KCNG2: variants seen among roughly 807,000 people sequenced by gnomAD.
KCNG2 encodes the protein potassium voltage-gated channel modifier subfamily G member 2.
A neutral mutation model predicts 12.3 loss-of-function variants in KCNG2; 7 were observed. The ratio of observed to expected loss-of-function variants is 0.57; its 90% confidence interval spans 0.32 to 1.07. KCNG2 has a LOEUF of 1.07. Ranked by LOEUF, KCNG2 falls within the 50% of genes least tolerant of loss-of-function variation. The pLI is 0.04. For synonymous variants in KCNG2, 414 were observed against 351.4 expected (o/e 1.18, Z -1.99); for missense variants, 703 against 726.0 (o/e 0.97, Z 0.36).
chr18:79,836,279 CAG>C (rs1978324119), intron 1 of KCNG2, among the ~76,000 whole-genome samples: 1 of 152,106 alleles, frequency 6.6e-6, no homozygotes, highest in Non-Finnish European at 1.5e-5. Context: ...TTACCAGAGA[CAG>C]AGGAGAAACG....
chr18:79,884,546 G>A lies in KCNG2; in HGVS notation c.625-14494G>A, dbSNP rs1568270633. 6.7e-6 allele frequency among the ~76,000 whole-genome samples: 1 copy of A among 148,492 alleles called. No homozygotes were observed. The highest frequency in any genetic ancestry group is 1.5e-5 in the Non-Finnish European group (1 of 66,734). On this transcript the variant is annotated intron_variant, in intron 3 of 3. Transcript: ENST00000316249. The surrounding 1 kb of genome is among the most constrained non-coding windows in gnomAD (Gnocchi z 5.5). Reference sequence around the variant, plus strand: ...CGATGCAGTGGAGGAGCAGGGCTGGGTCTGGGCCTGGGCCTGGGCGTGGCA... The same window carrying A: ...CGATGCAGTGGAGGAGCAGGGCTGGATCTGGGCCTGGGCCTGGGCGTGGCA...
At chr18:79,857,561 C>T (rs572585306) in intron 2 of KCNG2, among the ~76,000 whole-genome samples, 4 of 151,916 alleles carry the variant, frequency 2.6e-5, no homozygotes, top group African/African-American at 4.8e-5. Context: ...AAACCCACCA[C>T]GCCCCCTCTT....
At chr18:79,820,212 C>T (rs937126671) in intron 1 of KCNG2, among the ~76,000 whole-genome samples, 4 of 152,188 alleles carry the variant, frequency 2.6e-5, no homozygotes, top group African/African-American at 9.6e-5. Context: ...TGTTTGAGTC[C>T]CTGTTTTCAC....
At chr18:79,832,349 TTCC>T (rs1978300827) in intron 1 of KCNG2, among the ~76,000 whole-genome samples, 1 of 150,482 alleles carries the variant, frequency 6.6e-6, no homozygotes, top group South Asian at 2.1e-4. Context: ...TTACCTGCCC[TTCC>T]TCACCTGTCC....
At position 79,803,922 on chromosome 18, in the gene KCNG2, T is replaced by C. The variant is rs2087429950; in HGVS notation, c.-115+5908T>C. On this transcript the variant is annotated intron_variant, in intron 1 of 3. Coordinates refer to ENST00000316249, the MANE Select transcript of KCNG2 (RefSeq NM_012283.2). This position sits in a 1 kb window ranked among gnomAD's most constrained non-coding sequence, Gnocchi z 4.5. ...GTGGATCAGAATCTTAGGCCTGGCC[T>C]GGCCGTGTCACTCCTATCTCACCTT... Among the ~76,000 whole-genome samples the C allele has an allele frequency of 6.6e-6, 1 of 152,224 alleles. No homozygotes were observed. The highest frequency in any genetic ancestry group is 6.5e-5 in the Admixed American group (1 of 15,286).
chr18:79,852,665 G>T (rs971421395), intron 1 of KCNG2, among the ~76,000 whole-genome samples: 4 of 152,244 alleles, frequency 2.6e-5, no homozygotes, highest in African/African-American at 9.6e-5. Context: ...ACCAGCGCCT[G>T]CACCTGGGCG....
intron 1 of KCNG2, among the ~76,000 whole-genome samples, chr18:79,801,821 G>C (rs2087411690): frequency 6.6e-6 from 1 of 152,242 alleles, no homozygotes; most frequent in African/African-American, 2.4e-5. Flanking sequence ...ACACAGAGGG[G>C]CTCCTGTGCC....
chr18:79,852,921 T>C (rs1287057125), intron 1 of KCNG2, among the ~76,000 whole-genome samples: 2 of 152,248 alleles, frequency 1.3e-5, no homozygotes, highest in Non-Finnish European at 2.9e-5. Context: ...GCAGAGTCTT[T>C]GTCATTTCTT....
chr18:79,862,914 G>A (rs577036212), intron 2 of KCNG2, among the ~76,000 whole-genome samples: 1 of 152,212 alleles, frequency 6.6e-6, no homozygotes, highest in South Asian at 2.1e-4. Context: ...TGCTGGTACC[G>A]GGAATGCAGG....
intron 1 of KCNG2, among the ~76,000 whole-genome samples, chr18:79,805,851 G>A (rs546359145): frequency 1.3e-5 from 2 of 148,570 alleles, no homozygotes; most frequent in Non-Finnish European, 3.0e-5. Context: ...ATAGACAGAC[G>A]CAGGTCCACA....
At chr18:79,888,777 C>T (rs891276382) in intron 3 of KCNG2, among the ~76,000 whole-genome samples, 34 of 152,108 alleles carry the variant, frequency 2.2e-4, no homozygotes, top group Admixed American at 9.2e-4. Context: ...CAGGTTCAAG[C>T]AATTCTCGTG....
chr18:79,799,586 C>A (rs1379327306), intron 1 of KCNG2, among the ~76,000 whole-genome samples: 1 of 152,226 alleles, frequency 6.6e-6, no homozygotes, highest in Admixed American at 6.5e-5. Context: ...AAAACAACTT[C>A]CAGGTCTGTC....
intron 1 of KCNG2, among the ~76,000 whole-genome samples, chr18:79,821,467 T>C (rs906672044): frequency 5.3e-5 from 8 of 152,062 alleles, no homozygotes; most frequent in Admixed American, 2.6e-4. Context: ...TTTATGTATT[T>C]TTAGTAGAGA....
chr18:79,883,132 G>A (rs1980383281), intron 3 of KCNG2, among the ~76,000 whole-genome samples: 1 of 152,234 alleles, frequency 6.6e-6, no homozygotes, highest in South Asian at 2.1e-4. Flanking sequence ...GTGGGTGCCC[G>A]GGACAGCACG....
At chr18:79,856,683 G>T (rs1255288843) in intron 2 of KCNG2, among the ~76,000 whole-genome samples, 1 of 152,142 alleles carries the variant, frequency 6.6e-6, no homozygotes, top group African/African-American at 2.4e-5. Flanking sequence ...GGACAGGGGA[G>T]CTCACGGGGC....
At chr18:79,816,746 G>A (rs2087531252) in intron 1 of KCNG2, among the ~76,000 whole-genome samples, 1 of 152,218 alleles carries the variant, frequency 6.6e-6, no homozygotes, top group Non-Finnish European at 1.5e-5. Flanking sequence ...GGAAACATTC[G>A]CTGTTTCCTG....
In KCNG2 at chr18:79,810,000, G is replaced by A. The variant is rs569548614; in HGVS notation, c.-115+11986G>A. On this transcript the variant is annotated intron_variant, in intron 1 of 3. Transcript: ENST00000316249. ...GGCTGTGGGTTCTGGTCTCAGCGCC[G>A]TCCACAGGGCCAGCCTCGCGGAGCC... Among the ~76,000 whole-genome samples the A allele has an allele frequency of 5.3e-5, 8 of 152,340 alleles. No homozygotes were observed. In the East Asian group the frequency reaches 9.6e-4, roughly 18 times the overall value.
chr18:79,828,707 G>A (rs556456704), intron 1 of KCNG2, among the ~76,000 whole-genome samples: 45 of 151,568 alleles, frequency 3.0e-4, no homozygotes, highest in African/African-American at 9.0e-4. Flanking sequence ...AGGAATTTGC[G>A]TGTGTGTAAC....
chr18:79,857,402 G>A (rs879911360), intron 2 of KCNG2, among the ~76,000 whole-genome samples: 2 of 151,770 alleles, frequency 1.3e-5, no homozygotes, highest in Non-Finnish European at 2.9e-5. Flanking sequence ...CTTCACTGGG[G>A]TGCTGAGCTC....
Sources: allele counts gnomAD v4.1 joint callset (sites outside exome capture counted in the v4.1 genomes callset), GRCh38; gene constraint gnomAD v4.1.1; non-coding constraint Gnocchi (gnomAD v3.1); transcripts MANE v1.5; gene names NCBI Gene and HGNC (gene_info 2026-07-23, HGNC 2026-07-21).